DYNC2I1: variants seen among roughly 807,000 people sequenced by gnomAD.
The protein encoded by DYNC2I1 is cytoplasmic dynein 2 intermediate chain 1.
In DYNC2I1, 89 loss-of-function variants were observed where a neutral mutation model predicts 133.4. The observed-to-expected ratio is 0.67, with a 90% CI of 0.56 to 0.80. The LOEUF (loss-of-function observed/expected upper bound fraction) is 0.80, where lower values mean the gene tolerates loss of function less well. Among genes scored for constraint, DYNC2I1 ranks in the 30% least tolerant of loss-of-function variants. The pLI is 0.00. For synonymous variants in DYNC2I1, 504 were observed against 484.3 expected (o/e 1.04, Z -0.54); for missense variants, 1,291 against 1,314.5 (o/e 0.98, Z 0.28).
At chr7:158,946,794 TC>T (rs1231812445), downstream of DYNC2I1, among the ~76,000 whole-genome samples, 3 of 152,208 alleles carry the variant, frequency 2.0e-5, no homozygotes, top group Non-Finnish European at 2.9e-5. Flanking sequence ...CCTAGAATGT[TC>T]CCAGCACCGT....
chr7:158,926,676 A>G (rs1849662071), intron 19 of DYNC2I1, among the ~76,000 whole-genome samples: 1 of 152,258 alleles, frequency 6.6e-6, no homozygotes, highest in South Asian at 2.1e-4. Flanking sequence ...GGACTCTCAC[A>G]CAGGGCTTTG....
rs771294563 is a variant in DYNC2I1, at chr7:158,927,048, C to A, written c.2485+5C>A. 4.9e-5 allele frequency: 78 copies of A among 1,584,340 alleles called. No individual in the cohort carries two copies. The highest frequency in any genetic ancestry group is 3.8e-4 in the Middle Eastern group (2 of 5,282). On this transcript the variant is annotated splice_donor_5th_base_variant and intron_variant, in intron 20 of 24. Transcript: ENST00000407559. ...CAGGTTCAATAAGTGATTTAGGTAA[C>A]TATTAAGTAAAAAAATTAATTTTAG...
At chr7:158,839,814 C>T in the DYNC2I1 span, among the ~76,000 whole-genome samples, 2 of 137,970 alleles carry the variant, frequency 1.4e-5, no homozygotes, top group Non-Finnish European at 3.0e-5. Flanking sequence ...AATGAGACTC[C>T]GTCTCAAAAA....
At chr7:158,868,430 C>G (rs1374060993) in intron 1 of DYNC2I1, among the ~76,000 whole-genome samples, 2 of 152,214 alleles carry the variant, frequency 1.3e-5, no homozygotes, top group African/African-American at 4.8e-5. Flanking sequence ...GAGATGTCAT[C>G]ACACTTGAAA....
At chr7:158,911,379 T>G (rs1260588973) in intron 11 of DYNC2I1, among the ~76,000 whole-genome samples, 171 bp from the exon 12 acceptor site, 1 of 152,166 alleles carries the variant, frequency 6.6e-6, no homozygotes, top group African/African-American at 2.4e-5. Context: ...CACGACTGTC[T>G]ACTACTCAGT....
At position 158,945,901 on chromosome 7, in the gene DYNC2I1, A is replaced by C; in HGVS notation, c.*122A>C. ...ATAGACTATGTATATTCTGTATATA[A>C]TTTATTTTACATGAATATGTCTTTG... On this transcript the variant is annotated 3_prime_UTR_variant, in exon 25 of 25. Coordinates refer to ENST00000407559, the MANE Select transcript of DYNC2I1 (RefSeq NM_018051.5). This position sits in a 1 kb window ranked among gnomAD's most constrained non-coding sequence, Gnocchi z 4.1. 1 of 947,192 alleles carries C rather than the reference A, an allele frequency of 1.1e-6. No individual in the cohort carries two copies. The highest frequency in any genetic ancestry group is 1.4e-6 in the Non-Finnish European group (1 of 701,386). 58.7% of individuals were successfully genotyped at this position (947,192 alleles called of 1,614,324 possible).
Position 158,946,061 on chromosome 7 carries a change from G to T in DYNC2I1, c.*282G>T. 3.8e-6 allele frequency: 1 copy of T among 266,564 alleles called. No homozygotes were observed. The highest frequency in any genetic ancestry group is 7.0e-6 in the Non-Finnish European group (1 of 143,072). The allele number at this position is 266,564 out of a possible 1,614,324, so 16.5% of individuals were successfully genotyped here. A position where few individuals can be genotyped will look rare whatever the true frequency, so the allele number is the denominator to read the frequency against. The stretch of plus-strand genomic sequence containing the variant: ...AGTATTTCGAGTTATTTTTAGAACA[G>T]TTTAAATATTGTCACATTACTGCTA... On this transcript the variant is annotated 3_prime_UTR_variant, in exon 25 of 25. Coordinates refer to ENST00000407559, the MANE Select transcript of DYNC2I1 (RefSeq NM_018051.5).
At chr7:158,949,617 C>T (rs1192797218), downstream of DYNC2I1, among the ~76,000 whole-genome samples, 4 of 134,160 alleles carry the variant, frequency 3.0e-5, no homozygotes, top group African/African-American at 5.2e-5. Context: ...GCACAGACGG[C>T]GCAGTTCAGC....
Position 158,906,985 on chromosome 7 carries a change from C to T in DYNC2I1, c.1460+894C>T, listed in dbSNP as rs979540514. Among the ~76,000 whole-genome samples the T allele has an allele frequency of 9.2e-5, 14 of 152,184 alleles. No individual in the cohort carries two copies. The East Asian group carries it at 1.2e-3, about 13-fold the overall frequency. On this transcript the variant is annotated intron_variant, in intron 11 of 24. Transcript: ENST00000407559. The stretch of plus-strand genomic sequence containing the variant: ...CAAGGGCCTGAGCAGCATAGCGAGA[C>T]GCACCTGTGGTCCCAGCTCCTGGGG...
downstream of DYNC2I1, among the ~76,000 whole-genome samples, chr7:158,947,162 C>T (rs113605107): frequency 4.8e-3 from 731 of 152,330 alleles, 4 homozygotes; most frequent in African/African-American, 0.016. Context: ...TCTGCATCTT[C>T]ATGGAACTCA....
chr7:158,893,021 A>G lies in DYNC2I1; in HGVS notation c.1059+1688A>G, dbSNP rs998150746. Among the ~76,000 whole-genome samples the G allele has an allele frequency of 5.3e-5, 8 of 151,656 alleles. No individual in the cohort carries two copies. In the South Asian group the frequency reaches 8.3e-4, roughly 16 times the overall value. ...CCCCCACACATGAATAGCCTCCCCT[A>G]TTATCAATGTACCCTACCAGAGTGG... On this transcript the variant is annotated intron_variant, in intron 8 of 24. Transcript: ENST00000407559.
chr7:158,873,469 G>A (rs1843060163), intron 3 of DYNC2I1, among the ~76,000 whole-genome samples: 1 of 152,120 alleles, frequency 6.6e-6, no homozygotes, highest in Non-Finnish European at 1.5e-5. Context: ...TAGACTATTA[G>A]GAATAAGGCT....
intron 8 of DYNC2I1, among the ~76,000 whole-genome samples, chr7:158,894,323 A>G (rs1250417792): frequency 6.6e-6 from 1 of 152,202 alleles, no homozygotes; most frequent in Non-Finnish European, 1.5e-5. Flanking sequence ...CCAGGAAAAA[A>G]ACAAAATCCA....
chr7:158,920,633 C>T (rs1311633704), intron 15 of DYNC2I1, among the ~76,000 whole-genome samples: 8 of 151,992 alleles, frequency 5.3e-5, no homozygotes, highest in African/African-American at 1.2e-4. Context: ...TTGGGGAACT[C>T]GTGAAGTGTG....
At chr7:158,876,367 T>A (rs1453689879) in intron 3 of DYNC2I1, among the ~76,000 whole-genome samples, 1 of 152,188 alleles carries the variant, frequency 6.6e-6, no homozygotes, top group African/African-American at 2.4e-5. Flanking sequence ...GCGTGAGATT[T>A]GGGTGGGGAC....
chr7:158,840,783 C>T, the DYNC2I1 span, among the ~76,000 whole-genome samples: 2 of 152,174 alleles, frequency 1.3e-5, no homozygotes, highest in African/African-American at 4.8e-5. Context: ...GCCTCTCGGC[C>T]TGTTGTGAAC....
In DYNC2I1 at chr7:158,879,970, C is replaced by T; in HGVS notation, c.860C>T (p.Pro287Leu). 6.3e-7 allele frequency: 1 copy of T among 1,598,234 alleles called. No homozygotes were observed. The highest frequency in any genetic ancestry group is 8.5e-7 in the Non-Finnish European group (1 of 1,175,422). ...DRKEKSAKDE[P>L]RKRESQNGEH... ...AAAGAGAAATCGGCAAAAGATGAGC[C>T]CAGGAAAAGGGAATCCCAGGTACCC... The change falls in exon 5 of 25, where the codon CCC becomes CTC. Residue 287 changes from proline (P) to leucine (L), a missense_variant. Pro to Leu is a moderately conservative substitution (Grantham distance 98). Transcript: ENST00000407559.
intron 8 of DYNC2I1, among the ~76,000 whole-genome samples, chr7:158,898,163 G>A (rs967492757): frequency 1.3e-5 from 2 of 152,178 alleles, no homozygotes; most frequent in Admixed American, 6.5e-5. Context: ...CAGAATATGG[G>A]CTATCATGGT....
chr7:158,932,190 C>T lies in DYNC2I1; in HGVS notation c.2546+1675C>T, dbSNP rs893692681. ...AGCTCTGTCTGCACCGCCCCTGCAG[C>T]GAGGCCCCGTCCCTCAGGGTTGTCG... On this transcript the variant is annotated intron_variant, in intron 21 of 24. Coordinates refer to ENST00000407559, the MANE Select transcript of DYNC2I1 (RefSeq NM_018051.5). Among the ~76,000 whole-genome samples, 6 of 152,136 alleles carry T rather than the reference C, an allele frequency of 3.9e-5. 1 individual carries two copies. Among genetic ancestry groups the T allele is most frequent in the South Asian group, 4.1e-4 (2 of 4,822 alleles).
Sources: allele counts gnomAD v4.1 joint callset (sites outside exome capture counted in the v4.1 genomes callset), GRCh38; gene constraint gnomAD v4.1.1; non-coding constraint Gnocchi (gnomAD v3.1); transcripts MANE v1.5; gene names NCBI Gene and HGNC (gene_info 2026-07-23, HGNC 2026-07-21).